Variants in EPHB1 observed in about 807,000 individuals in gnomAD.
The protein encoded by EPHB1 is ephrin type-B receptor 1.
A neutral mutation model predicts 94.4 loss-of-function variants in EPHB1; 30 were observed. The observed-to-expected ratio is 0.32, with a 90% CI of 0.24 to 0.43. The LOEUF (loss-of-function observed/expected upper bound fraction) is 0.43, where lower values mean the gene tolerates loss of function less well. Among genes scored for constraint, EPHB1 ranks in the 20% least tolerant of loss-of-function variants. The probability of loss-of-function intolerance (pLI) is 1.00; values close to 1 mark genes in which losing one functional copy is unlikely to be tolerated. For synonymous variants in EPHB1, 522 were observed against 489.1 expected, an observed-to-expected ratio of 1.07 and a Z score of -0.89; for missense variants, 1,055 against 1,308.3, an observed-to-expected ratio of 0.81 and a Z score of 2.99.
intron 3 of EPHB1, among the ~76,000 whole-genome samples, chr3:134,981,084 A>G (rs1934384888): frequency 6.6e-6 from 1 of 152,208 alleles, no homozygotes; most frequent in Non-Finnish European, 1.5e-5. Flanking sequence ...CATTGCTAAC[A>G]CACTGGGGTC....
chr3:135,211,993 C>T (rs975931649), intron 12 of EPHB1, among the ~76,000 whole-genome samples: 1 of 152,152 alleles, frequency 6.6e-6, no homozygotes. Context: ...AAATGTTCCA[C>T]AGGTTCCTGA....
chr3:135,196,481 C>T (rs992921878), intron 11 of EPHB1, among the ~76,000 whole-genome samples: 18 of 152,058 alleles, frequency 1.2e-4, no homozygotes, highest in Admixed American at 8.5e-4. Context: ...GGAAATGAAG[C>T]GTTTCTGACT....
intron 1 of EPHB1, among the ~76,000 whole-genome samples, chr3:134,827,322 G>A (rs2036499084): frequency 1.3e-5 from 2 of 152,112 alleles, no homozygotes; most frequent in Admixed American, 1.3e-4. Context: ...TTGGTTTTGA[G>A]TGACAGGAAA....
chr3:135,048,381 C>T (rs1937072173), intron 3 of EPHB1, among the ~76,000 whole-genome samples: 1 of 151,164 alleles, frequency 6.6e-6, no homozygotes, highest in South Asian at 2.1e-4. Flanking sequence ...GTGATTCTCC[C>T]ACCTCAGCCT....
chr3:134,906,116 C>T (rs920744496), intron 1 of EPHB1, among the ~76,000 whole-genome samples: 1 of 152,188 alleles, frequency 6.6e-6, no homozygotes, highest in Non-Finnish European at 1.5e-5. Flanking sequence ...TAATTATACA[C>T]GTTCCTCTGC....
At chr3:135,174,090 A>G (rs1277001855) in intron 9 of EPHB1, among the ~76,000 whole-genome samples, 1 of 151,996 alleles carries the variant, frequency 6.6e-6, no homozygotes, top group Non-Finnish European at 1.5e-5. Flanking sequence ...CCTCATAGCT[A>G]TTTTTCCAAC....
chr3:135,183,015 CTTTTCTTTTCT>C lies in EPHB1; in HGVS notation c.1882+3037_1882+3047del, dbSNP rs1422467171. Among the ~76,000 whole-genome samples, 388 of 64,196 alleles carry C rather than the reference CTTTTCTTTTCT, an allele frequency of 6.0e-3. 1 individual carries two copies. The highest frequency in any genetic ancestry group is 0.024 in the Middle Eastern group (3 of 126). The allele number at this position is 64,196 out of a possible 152,430, so 42.1% of individuals were successfully genotyped here. ...CTTTTCTTTTCTTTTCTTTTCTTTT[CTTTTCTTTTCT>C]TTTCTTTCTTTCTTTCTTTCTTTCT... On this transcript the variant is annotated intron_variant, in intron 10 of 15. Transcript: ENST00000398015.
chr3:135,035,103 A>G (rs2107762609), intron 3 of EPHB1, among the ~76,000 whole-genome samples: 1 of 152,288 alleles, frequency 6.6e-6, no homozygotes, highest in Non-Finnish European at 1.5e-5. Context: ...CTACATTCCA[A>G]TCTCATGCTT....
intron 12 of EPHB1, among the ~76,000 whole-genome samples, chr3:135,230,751 G>C (rs1453597376): frequency 6.6e-6 from 1 of 152,026 alleles, no homozygotes; most frequent in Non-Finnish European, 1.5e-5. Flanking sequence ...TGCGGTGTCT[G>C]TTGTTCCCAT....
chr3:134,899,762 A>G (rs2038162404), intron 1 of EPHB1, among the ~76,000 whole-genome samples: 1 of 151,892 alleles, frequency 6.6e-6, no homozygotes, highest in Non-Finnish European at 1.5e-5. Flanking sequence ...GCAGCCTTGA[A>G]CTCCTGGGCT....
At chr3:135,110,332 T>C (rs1411378831) in intron 4 of EPHB1, among the ~76,000 whole-genome samples, 1 of 152,136 alleles carries the variant, frequency 6.6e-6, no homozygotes, top group African/African-American at 2.4e-5. Context: ...AAAGGGGTCA[T>C]TGTGTCCCTT....
At chr3:135,016,753 T>C (rs1474550185) in intron 3 of EPHB1, among the ~76,000 whole-genome samples, 1 of 152,204 alleles carries the variant, frequency 6.6e-6, no homozygotes, top group Non-Finnish European at 1.5e-5. Flanking sequence ...GGAAAATTAA[T>C]AGCTTTTTTT....
Position 135,251,339 on chromosome 3 carries a change from T to C in EPHB1, c.2846+1848T>C, listed in dbSNP as rs545307004. ...TAATCAGAGGGACTGAGTTCAGGGA[T>C]AGAAATGGGTGTTTATGAAGACTGG... On this transcript the variant is annotated intron_variant, in intron 15 of 15. Coordinates refer to ENST00000398015, the MANE Select transcript of EPHB1 (RefSeq NM_004441.5). Among the ~76,000 whole-genome samples the C allele has an allele frequency of 2.0e-5, 3 of 152,244 alleles. No homozygotes were observed. In the East Asian group the frequency reaches 5.8e-4, roughly 29 times the overall value.
chr3:135,095,208 G>T (rs958288679), intron 3 of EPHB1, among the ~76,000 whole-genome samples: 2 of 152,158 alleles, frequency 1.3e-5, no homozygotes, highest in Non-Finnish European at 2.9e-5. Context: ...AGCCCTAGAG[G>T]ATGAAGTGTA....
In EPHB1 at chr3:135,179,985, A is replaced by T. The variant is rs773669640; in HGVS notation, c.1882+3A>T. ...AATTGAAGAGGTCATCGGAGCAGGT[A>T]TGGCTCTTCCCTGTCTTGTTTCTGT... On this transcript the variant is annotated splice_donor_region_variant and intron_variant, in intron 10 of 15. Transcript: ENST00000398015. The T allele has an allele frequency of 6.2e-7, 1 of 1,613,574 alleles. No homozygotes were observed. The highest frequency in any genetic ancestry group is 1.3e-5 in the African/African-American group (1 of 74,914).
At chr3:134,960,535 C>T (rs1021593709) in intron 3 of EPHB1, among the ~76,000 whole-genome samples, 24 of 152,170 alleles carry the variant, frequency 1.6e-4, no homozygotes, top group Non-Finnish European at 4.4e-5. Flanking sequence ...TTTTGGGTCC[C>T]AGAAGCTATC....
At chr3:135,257,206 T>G (rs1445944451) in intron 15 of EPHB1, among the ~76,000 whole-genome samples, 1 of 152,122 alleles carries the variant, frequency 6.6e-6, no homozygotes, top group South Asian at 2.1e-4. Context: ...TGAAGCCTTC[T>G]TCTCTCAACT....
chr3:135,164,831 A>T (rs1941606560), intron 7 of EPHB1, among the ~76,000 whole-genome samples: 1 of 143,016 alleles, frequency 7.0e-6, no homozygotes. Context: ...AAAAAAAAAG[A>T]AGTATTGTCA....
intron 12 of EPHB1, among the ~76,000 whole-genome samples, chr3:135,215,891 G>C (rs895059922): frequency 6.6e-6 from 1 of 152,190 alleles, no homozygotes; most frequent in African/African-American, 2.4e-5. Flanking sequence ...CATTGAAACC[G>C]TTTCAGGGAG....
Sources: allele counts gnomAD v4.1 joint callset (sites outside exome capture counted in the v4.1 genomes callset), GRCh38; gene constraint gnomAD v4.1.1; transcripts MANE v1.5; gene names NCBI Gene and HGNC (gene_info 2026-07-23, HGNC 2026-07-21).